The following REDIC1 variants were observed in gnomAD, a reference collection of about 807,000 sequenced individuals.
REDIC1 encodes the protein HEI10 Interacting Protein 1.
the REDIC1 span, among the ~76,000 whole-genome samples, chr12:39,745,232 G>GA: frequency 6.6e-6 from 1 of 152,122 alleles, no homozygotes; most frequent in Non-Finnish European, 1.5e-5. Flanking sequence ...CAGTGATTAG[G>GA]CTTAGTTCCT....
chr12:39,790,098 T>G, the REDIC1 span, among the ~76,000 whole-genome samples: 1 of 147,080 alleles, frequency 6.8e-6, no homozygotes, highest in Non-Finnish European at 1.5e-5. Flanking sequence ...ATATAGAAAT[T>G]ATTAAGATTC....
At chr12:39,824,064 AC>A in the REDIC1 span, among the ~76,000 whole-genome samples, 1 of 152,224 alleles carries the variant, frequency 6.6e-6, no homozygotes, top group Non-Finnish European at 1.5e-5. Flanking sequence ...TGGATTGAAT[AC>A]TTGATGTATA....
the REDIC1 span, among the ~76,000 whole-genome samples, chr12:39,630,397 G>A: frequency 6.6e-6 from 1 of 152,080 alleles, no homozygotes; most frequent in African/African-American, 2.4e-5. Flanking sequence ...GAAAGGCCTA[G>A]GCAAAGTTCT....
chr12:39,750,734 A>G, the REDIC1 span, among the ~76,000 whole-genome samples: 3 of 152,220 alleles, frequency 2.0e-5, no homozygotes, highest in Non-Finnish European at 4.4e-5. Context: ...ATGGAACAGA[A>G]CAGAGCCCTC....
the REDIC1 span, among the ~76,000 whole-genome samples, chr12:39,660,489 T>C: frequency 6.6e-6 from 1 of 152,122 alleles, no homozygotes; most frequent in Non-Finnish European, 1.5e-5. Context: ...CTGTTGTCCA[T>C]ATATTTTGTT....
At chr12:39,843,039 G>A in the REDIC1 span, among the ~76,000 whole-genome samples, 322 of 151,854 alleles carry the variant, frequency 2.1e-3, 2 homozygotes, top group African/African-American at 6.7e-3. Context: ...TTATTTCTAC[G>A]TTTTTTCGCT....
chr12:39,877,414 A>G, the REDIC1 span, among the ~76,000 whole-genome samples: 3 of 152,328 alleles, frequency 2.0e-5, no homozygotes, highest in South Asian at 2.1e-4. Flanking sequence ...CCATGATTCA[A>G]TTACCTCCCA....
chr12:39,764,895 T>C, the REDIC1 span: 1 of 1,596,694 alleles, frequency 6.3e-7, no homozygotes, highest in Non-Finnish European at 8.5e-7. Context: ...AACTTAATGT[T>C]TTTGACTACA....
At chr12:39,740,880 A>G in the REDIC1 span, among the ~76,000 whole-genome samples, 2 of 152,186 alleles carry the variant, frequency 1.3e-5, no homozygotes, top group African/African-American at 4.8e-5. Flanking sequence ...TTCATTTGTA[A>G]AAGGAAACCT....
the REDIC1 span, among the ~76,000 whole-genome samples, chr12:39,896,324 A>G: frequency 3.9e-5 from 5 of 128,980 alleles, no homozygotes; most frequent in East Asian, 2.5e-4. Context: ...ATGTATGTAT[A>G]TGTGTATATA....
chr12:39,776,611 G>A, the REDIC1 span, among the ~76,000 whole-genome samples: 6 of 152,196 alleles, frequency 3.9e-5, no homozygotes, highest in Non-Finnish European at 8.8e-5. Flanking sequence ...AGGTAAAGAA[G>A]GGTCACGGAG....
At chr12:39,866,084 A>G in the REDIC1 span, among the ~76,000 whole-genome samples, 396 of 152,374 alleles carry the variant, frequency 2.6e-3, 1 homozygote, top group African/African-American at 8.6e-3. Flanking sequence ...ATGAGACAAA[A>G]TAAGTTTAAA....
chr12:39,688,034 G>T, the REDIC1 span, among the ~76,000 whole-genome samples: 1 of 152,082 alleles, frequency 6.6e-6, no homozygotes, highest in Non-Finnish European at 1.5e-5. Flanking sequence ...AATGTTTATT[G>T]AGTACATATT....
At chr12:39,735,612 G>T in the REDIC1 span, among the ~76,000 whole-genome samples, 1 of 152,174 alleles carries the variant, frequency 6.6e-6, no homozygotes, top group East Asian at 1.9e-4. Context: ...CTAAAATTAA[G>T]AAAAGGCTTT....
At chr12:39,664,075 T>C in the REDIC1 span, among the ~76,000 whole-genome samples, 1 of 151,980 alleles carries the variant, frequency 6.6e-6, no homozygotes. Flanking sequence ...TATTTGTCTT[T>C]GAGTTTTTTT....
At chr12:39,713,736 C>A in the REDIC1 span, among the ~76,000 whole-genome samples, 2 of 147,850 alleles carry the variant, frequency 1.4e-5, no homozygotes, top group African/African-American at 2.5e-5. Flanking sequence ...TGCGTATATA[C>A]ATATGTATAT....
chr12:39,701,545 G>A, the REDIC1 span, among the ~76,000 whole-genome samples: 120,721 of 151,770 alleles, frequency 0.8, 48,685 homozygotes, highest in Non-Finnish European at 0.87. Context: ...CAGAAGGTCA[G>A]CAAGGATACC....
the REDIC1 span, among the ~76,000 whole-genome samples, chr12:39,666,015 A>T: frequency 4.6e-5 from 7 of 151,232 alleles, no homozygotes; most frequent in African/African-American, 1.7e-4. Context: ...TGTCATCTGC[A>T]AACAATTTAA....
At chr12:39,758,476 C>CTGA in the REDIC1 span, 1 of 151,908 alleles carries the variant, frequency 6.6e-6, no homozygotes, top group Non-Finnish European at 1.5e-5. Context: ...ATGCATCAAA[C>CTGA]TGATGTATTC....
Sources: gnomAD v4.1 joint callset for allele counts (sites outside exome capture counted in the v4.1 genomes callset) on GRCh38, gnomAD v4.1.1 for gene constraint, MANE v1.5 for transcripts, NCBI Gene and HGNC (gene_info 2026-07-23, HGNC 2026-07-21) for gene names.